Variants in TRAPPC3L observed in about 807,000 individuals in gnomAD.
The protein encoded by TRAPPC3L is trafficking protein particle complex subunit 3L.
A neutral mutation model predicts 23.7 loss-of-function variants in TRAPPC3L; 23 were observed. The observed-to-expected ratio is 0.97, with a 90% CI of 0.70 to 1.37. The LOEUF is 1.37. TRAPPC3L is among the 40% of genes most tolerant of loss of function. TRAPPC3L has a pLI of 0.00. For synonymous variants in TRAPPC3L, 81 were observed against 77.9 expected, an observed-to-expected ratio of 1.04 and a Z score of -0.21; for missense variants, 212 against 216.8, an observed-to-expected ratio of 0.98 and a Z score of 0.14.
rs1771831641 is a variant in TRAPPC3L at position 116,496,184 on chromosome 6, GA to G, written c.*769del. ...GGAAGATTTTTTAGAGGATGAAAAT[GA>G]TAGTAGAAATTCTGAATTAATAAGC... On this transcript the variant is annotated 3_prime_UTR_variant, in exon 5 of 5. Coordinates refer to ENST00000368602, the MANE Select transcript of TRAPPC3L (RefSeq NM_001139444.3). The G allele has an allele frequency of 6.6e-6, 1 of 152,130 alleles. No individual in the cohort carries two copies. The highest frequency in any genetic ancestry group is 1.5e-5 in the Non-Finnish European group (1 of 68,012). The allele number at this position is 152,130 out of a possible 1,614,324, so 9.4% of individuals were successfully genotyped here. A position where few individuals can be genotyped will look rare whatever the true frequency, so the allele number is the denominator to read the frequency against.
At chr6:116,531,304 C>G (rs1772708550) in intron 3 of TRAPPC3L, among the ~76,000 whole-genome samples, 1 of 151,814 alleles carries the variant, frequency 6.6e-6, no homozygotes, top group South Asian at 2.1e-4. Context: ...GCAAATGACA[C>G]CCAGAGAAAA....
intron 3 of TRAPPC3L, among the ~76,000 whole-genome samples, chr6:116,531,992 T>C (rs1470192937): frequency 2.0e-5 from 3 of 152,112 alleles, no homozygotes; most frequent in African/African-American, 4.8e-5. Flanking sequence ...AATCAGTTAT[T>C]GTCCTGTTCA....
rs199732981 is a variant in TRAPPC3L, at chr6:116,496,965, C to T, written c.535G>A (p.Gly179Arg). ...LKKRDEKKYRGKK is the reference protein window; with the variant it reads ...LKKRDEKKYRRKK ...TTCCGTGCTAGTCTTCATTTTTTCC[C>T]TCTATATTTTTTCTCGTCTCGCTTT... is the stretch of plus-strand genomic sequence containing the variant. Residue 179 changes from glycine (G) to arginine (R), a missense_variant, in exon 5 of 5, where the codon GGG becomes AGG. Gly to Arg is a moderately radical substitution (Grantham distance 125). Transcript: ENST00000368602. The T allele has an allele frequency of 9.5e-4, 1,468 of 1,543,902 alleles. No homozygotes were observed. The highest frequency in any genetic ancestry group is 1.2e-3 in the Non-Finnish European group (1,352 of 1,145,136).
intron 3 of TRAPPC3L, among the ~76,000 whole-genome samples, chr6:116,527,270 C>A (rs1772458646): frequency 6.6e-6 from 1 of 151,420 alleles, no homozygotes; most frequent in Admixed American, 6.5e-5. Context: ...GTAATCCCAG[C>A]ACTTTGGGGG....
At chr6:116,504,649 C>A (rs1045679518) in intron 3 of TRAPPC3L, among the ~76,000 whole-genome samples, 2 of 152,104 alleles carry the variant, frequency 1.3e-5, no homozygotes, top group Non-Finnish European at 2.9e-5. Flanking sequence ...ACTGGCAAAC[C>A]GAACCCAGCA....
At chr6:116,512,139 A>C (rs1237739290) in intron 3 of TRAPPC3L, 1 of 1,613,676 alleles carries the variant, frequency 6.2e-7, no homozygotes. Context: ...AAGCCCAAAG[A>C]GTGCTGGGAA....
intron 2 of TRAPPC3L, 23 bp from the exon 3 acceptor site, chr6:116,540,485 G>A (rs1773379718): frequency 6.5e-7 from 1 of 1,545,294 alleles, no homozygotes. Flanking sequence ...GAAAGAGTGT[G>A]GTCTGAAAAT....
intron 3 of TRAPPC3L, chr6:116,516,046 CTAACG>C: frequency 6.6e-7 from 1 of 1,510,234 alleles, no homozygotes; most frequent in Non-Finnish European, 8.9e-7. Flanking sequence ...TGTGATCCTC[CTAACG>C]TATCACCAGC....
At chr6:116,520,530 C>G (rs1170229186) in intron 3 of TRAPPC3L, 1 of 152,146 alleles carries the variant, frequency 6.6e-6, no homozygotes, top group East Asian at 1.9e-4. Flanking sequence ...CTGTGTTTGT[C>G]AGTAGCTCTC....
intron 3 of TRAPPC3L, among the ~76,000 whole-genome samples, chr6:116,537,470 A>G (rs1488962231): frequency 6.6e-6 from 1 of 152,160 alleles, no homozygotes; most frequent in East Asian, 1.9e-4. Flanking sequence ...AATGGGGAAC[A>G]TTCTGGGTTT....
chr6:116,508,279 T>TATTG (rs1188929923), intron 3 of TRAPPC3L, among the ~76,000 whole-genome samples: 2 of 152,194 alleles, frequency 1.3e-5, no homozygotes, highest in East Asian at 3.9e-4. Context: ...AATGGGCATC[T>TATTG]ATTGACTGAA....
rs1200972076 is a variant in TRAPPC3L at position 116,512,744 on chromosome 6, A to G, written c.241-12078T>C. On this transcript the variant is annotated intron_variant, in intron 3 of 4. Coordinates refer to ENST00000368602, the MANE Select transcript of TRAPPC3L (RefSeq NM_001139444.3). ...GAGATTCTCTTGAATGATTTCTGGC[A>G]ACTGCTATCTCTGTGTATAAATATT... Among the ~76,000 whole-genome samples, 7 of 152,238 alleles carry G rather than the reference A, an allele frequency of 4.6e-5. No individual in the cohort carries two copies. In the East Asian group the frequency reaches 1.3e-3, roughly 29 times the overall value.
chr6:116,545,675 G>T lies in TRAPPC3L; in HGVS notation c.-161C>A. ...CTCTGCTGCTTTTGCTCTTTGCTGA[G>T]CTGAAGAGGGAAAAAAACCATGAAC... On this transcript the variant is annotated 5_prime_UTR_variant, in exon 1 of 5. Transcript: ENST00000368602. 1 of 491,492 alleles carries T rather than the reference G, an allele frequency of 2.0e-6. No homozygotes were observed. The highest frequency in any genetic ancestry group is 3.5e-6 in the Non-Finnish European group (1 of 286,940). 30.4% of individuals were successfully genotyped at this position (491,492 alleles called of 1,614,324 possible).
chr6:116,532,388 C>T (rs1772794315), intron 3 of TRAPPC3L, among the ~76,000 whole-genome samples: 1 of 152,184 alleles, frequency 6.6e-6, no homozygotes, highest in Non-Finnish European at 1.5e-5. Flanking sequence ...AGGCGTGAGC[C>T]ACCGCGCCCG....
intron 3 of TRAPPC3L, among the ~76,000 whole-genome samples, chr6:116,525,420 AT>A (rs1562344169): frequency 6.6e-6 from 1 of 152,146 alleles, no homozygotes; most frequent in South Asian, 2.1e-4. Flanking sequence ...TTTCCATTTT[AT>A]TTTTTTAAAA....
At chr6:116,526,578 A>G (rs925966073) in intron 3 of TRAPPC3L, among the ~76,000 whole-genome samples, 2 of 152,216 alleles carry the variant, frequency 1.3e-5, no homozygotes, top group African/African-American at 4.8e-5. Context: ...TCTATGCAGG[A>G]GCTAGAATTG....
chr6:116,537,821 C>G (rs1773192494), intron 3 of TRAPPC3L, among the ~76,000 whole-genome samples: 1 of 152,172 alleles, frequency 6.6e-6, no homozygotes, highest in African/African-American at 2.4e-5. Context: ...CTTTTCTTTT[C>G]TTTCAACTAA....
chr6:116,509,846 AG>A (rs142634039), intron 3 of TRAPPC3L, among the ~76,000 whole-genome samples: 3,461 of 152,336 alleles, frequency 0.023, 68 homozygotes, highest in Middle Eastern at 0.092. Context: ...TAAACTAAAA[AG>A]CTTCTGCACA....
At chr6:116,533,017 G>T (rs1201151896) in intron 3 of TRAPPC3L, among the ~76,000 whole-genome samples, 1 of 152,160 alleles carries the variant, frequency 6.6e-6, no homozygotes, top group African/African-American at 2.4e-5. Context: ...AGACCCACTG[G>T]CAGGCTTTAA....
Sources: allele counts gnomAD v4.1 joint callset (sites outside exome capture counted in the v4.1 genomes callset), GRCh38; gene constraint gnomAD v4.1.1; transcripts MANE v1.5; gene names NCBI Gene and HGNC (gene_info 2026-07-23, HGNC 2026-07-21).